ANXA10: variants seen among roughly 807,000 people sequenced by gnomAD.
ANXA10 encodes annexin 14.
In ANXA10, 49 loss-of-function variants were observed where a neutral mutation model predicts 53.5. The ratio of observed to expected loss-of-function variants is 0.92; its 90% CI spans 0.73 to 1.16. The LOEUF (loss-of-function observed/expected upper bound fraction) is 1.16, where lower values mean the gene tolerates loss of function less well. ANXA10 is among the 50% of genes most tolerant of loss of function. ANXA10 has a pLI of 0.00. For missense variants in ANXA10, 393 were observed against 394.4 expected, an observed-to-expected ratio of 1.00 and a Z score of 0.03; for synonymous variants, 131 against 128.9, an observed-to-expected ratio of 1.02 and a Z score of -0.11.
At chr4:168,097,647 T>C (rs1730573134) in intron 1 of ANXA10, among the ~76,000 whole-genome samples, 1 of 152,096 alleles carries the variant, frequency 6.6e-6, no homozygotes, top group South Asian at 2.1e-4. Flanking sequence ...CTCTCATACC[T>C]TACATTATCA....
chr4:168,108,866 A>G (rs1730757817), intron 1 of ANXA10, among the ~76,000 whole-genome samples: 2 of 152,082 alleles, frequency 1.3e-5, no homozygotes, highest in Admixed American at 1.3e-4. Context: ...CCTTCACCTC[A>G]TTCCCCATGG....
chr4:168,187,292 T>G (rs1732388955), intron 11 of ANXA10, 74 bp from the exon 12 acceptor site: 2 of 1,004,232 alleles, frequency 2.0e-6, no homozygotes, highest in East Asian at 5.4e-5. Context: ...CATAGTGCAG[T>G]CCAGAGGAAT....
intron 1 of ANXA10, among the ~76,000 whole-genome samples, chr4:168,108,194 G>C (rs1009141438): frequency 2.0e-5 from 3 of 152,072 alleles, no homozygotes; most frequent in Admixed American, 6.6e-5. Context: ...CTTAATTTTG[G>C]TGGGTTTTAG....
At chr4:168,099,997 T>C (rs1287307946) in intron 1 of ANXA10, among the ~76,000 whole-genome samples, 2 of 152,118 alleles carry the variant, frequency 1.3e-5, no homozygotes, top group Non-Finnish European at 2.9e-5. Context: ...AGCTTTATAA[T>C]CTAGGTTCAT....
chr4:168,160,989 C>CTT (rs1328311448), intron 3 of ANXA10, among the ~76,000 whole-genome samples: 1 of 152,100 alleles, frequency 6.6e-6, no homozygotes, highest in Non-Finnish European at 1.5e-5. Flanking sequence ...ATTGCAAAAA[C>CTT]TTTCTCCCAT....
chr4:168,145,564 T>C (rs1431458489), intron 3 of ANXA10, among the ~76,000 whole-genome samples: 1 of 152,214 alleles, frequency 6.6e-6, no homozygotes, highest in East Asian at 1.9e-4. Flanking sequence ...ATTGCCTCGG[T>C]TGTAAGTTTT....
At chr4:168,140,045 C>G (rs867853732) in intron 3 of ANXA10, among the ~76,000 whole-genome samples, 2 of 152,164 alleles carry the variant, frequency 1.3e-5, no homozygotes, top group African/African-American at 4.8e-5. Context: ...CCAGCTTTTC[C>G]TTTCACCAGC....
Position 168,122,781 on chromosome 4 carries a change from G to A in ANXA10, c.19-5303G>A, listed in dbSNP as rs1255937415. On this transcript the variant is annotated intron_variant, in intron 1 of 11. Transcript: ENST00000359299. ...GAACTCACTCACTATTGTGAGGACA[G>A]CATCAAGCCATGAGGTATCCACCCC... 2.0e-5 allele frequency among the ~76,000 whole-genome samples: 3 copies of A among 152,150 alleles called. No individual in the cohort carries two copies. The East Asian group carries it at 5.8e-4, about 29-fold the overall frequency.
intron 1 of ANXA10, among the ~76,000 whole-genome samples, chr4:168,097,962 A>T (rs1730578449): frequency 6.6e-6 from 1 of 152,074 alleles, no homozygotes; most frequent in African/African-American, 2.4e-5. Context: ...GAGAAGTTAG[A>T]ACACCTCTCT....
intron 6 of ANXA10, among the ~76,000 whole-genome samples, chr4:168,167,207 AACAG>A (rs1256348326): frequency 3.3e-5 from 5 of 152,058 alleles, no homozygotes; most frequent in Non-Finnish European, 7.4e-5. Flanking sequence ...TGCTATGGAG[AACAG>A]ACAGTCCTCA....
At chr4:168,107,320 A>G (rs898393467) in intron 1 of ANXA10, among the ~76,000 whole-genome samples, 29 of 152,152 alleles carry the variant, frequency 1.9e-4, no homozygotes, top group African/African-American at 6.8e-4. Flanking sequence ...GTGTTTAGAG[A>G]TTTTTTAGTG....
chr4:168,160,046 A>T (rs571140428), intron 3 of ANXA10, among the ~76,000 whole-genome samples: 28 of 152,074 alleles, frequency 1.8e-4, no homozygotes, highest in African/African-American at 6.3e-4. Context: ...GTATATATAT[A>T]TTTTTTCCCT....
chr4:168,120,282 T>C (rs1215316572), intron 1 of ANXA10, among the ~76,000 whole-genome samples: 1 of 152,130 alleles, frequency 6.6e-6, no homozygotes, highest in Non-Finnish European at 1.5e-5. Flanking sequence ...ATAATTTTTA[T>C]TTAAAGCTGG....
chr4:168,106,323 G>T (rs937528284), intron 1 of ANXA10, among the ~76,000 whole-genome samples: 5 of 152,056 alleles, frequency 3.3e-5, no homozygotes, highest in Non-Finnish European at 7.4e-5. Flanking sequence ...GTGGGAAATG[G>T]ATAAAATGTG....
At chr4:168,121,290 C>T (rs571502122) in intron 1 of ANXA10, among the ~76,000 whole-genome samples, 56 of 152,152 alleles carry the variant, frequency 3.7e-4, no homozygotes, top group African/African-American at 1.3e-3. Context: ...CATTTTTCTT[C>T]AAATTCCATG....
chr4:168,164,162 A>G (rs1351493988), intron 4 of ANXA10, 36 bp from the exon 5 acceptor site: 4 of 1,463,162 alleles, frequency 2.7e-6, no homozygotes, highest in Non-Finnish European at 3.8e-6. Context: ...TCCAATAAAA[A>G]TATCCTTACA....
At chr4:168,116,487 G>A (rs552086000) in intron 1 of ANXA10, among the ~76,000 whole-genome samples, 2 of 152,220 alleles carry the variant, frequency 1.3e-5, no homozygotes, top group South Asian at 4.2e-4. Flanking sequence ...AAGAAAAACA[G>A]AAGTATGGTG....
chr4:168,146,154 C>A (rs1731403383), intron 3 of ANXA10, among the ~76,000 whole-genome samples: 1 of 152,142 alleles, frequency 6.6e-6, no homozygotes, highest in African/African-American at 2.4e-5. Context: ...GATGATCCAC[C>A]CGCCTTGGCC....
At chr4:168,149,669 T>C (rs1288241943) in intron 3 of ANXA10, among the ~76,000 whole-genome samples, 1 of 152,194 alleles carries the variant, frequency 6.6e-6, no homozygotes, top group Non-Finnish European at 1.5e-5. Flanking sequence ...TGAGAATCAC[T>C]AGTTTGAGAT....
Sources: gnomAD v4.1 joint callset for allele counts (sites outside exome capture counted in the v4.1 genomes callset) on GRCh38, gnomAD v4.1.1 for gene constraint, MANE v1.5 for transcripts, NCBI Gene and HGNC (gene_info 2026-07-23, HGNC 2026-07-21) for gene names.